MVB12B: variants seen among roughly 807,000 people sequenced by gnomAD.
MVB12B encodes multivesicular body subunit 12B, also known as ESCRT-I complex subunit MVB12B.
MVB12B carries 16 observed loss-of-function variants against 41.6 expected under a neutral mutation model. The observed-to-expected ratio is 0.38, with a 90% confidence interval of 0.26 to 0.58. MVB12B has a LOEUF of 0.58. Among genes scored for constraint, MVB12B ranks in the 20% least tolerant of loss-of-function variants. The pLI is 0.62. For synonymous variants in MVB12B, 133 were observed against 139.7 expected, an observed-to-expected ratio of 0.95 and a Z score of 0.34; for missense variants, 274 against 380.2, an observed-to-expected ratio of 0.72 and a Z score of 2.32.
intron 1 of MVB12B, among the ~76,000 whole-genome samples, chr9:126,338,290 C>T (rs1426629918): frequency 5.3e-5 from 8 of 152,238 alleles, no homozygotes; most frequent in Admixed American, 2.6e-4. Context: ...AGCCGGGGGC[C>T]GCCCGCAGCC....
Position 126,376,675 on chromosome 9 carries a change from T to C in MVB12B, c.205-4389T>C, listed in dbSNP as rs1188528403. ...GGGCCTGCCATTGCCATTCAGTGTG[T>C]ACGCTTGGTTACTCAATTACCCTCG... is the stretch of plus-strand genomic sequence containing the variant. On this transcript the variant is annotated intron_variant, in intron 2 of 9. Coordinates refer to ENST00000361171, the MANE Select transcript of MVB12B (RefSeq NM_033446.3). This position sits in a 1 kb window ranked among gnomAD's most constrained non-coding sequence, Gnocchi z 4.1. The C allele has an allele frequency of 2.3e-6, 3 of 1,280,846 alleles. No individual in the cohort carries two copies. In the African/African-American group the frequency reaches 4.6e-5, roughly 20 times the overall value. 79.3% of individuals were successfully genotyped at this position (1,280,846 alleles called of 1,614,324 possible). A position where few individuals can be genotyped will look rare whatever the true frequency, so the allele number is the denominator to read the frequency against.
chr9:126,446,106 A>G (rs938393098), intron 7 of MVB12B, among the ~76,000 whole-genome samples: 5 of 152,028 alleles, frequency 3.3e-5, no homozygotes, highest in African/African-American at 1.2e-4. Context: ...AGAGGGCTTG[A>G]TTGTATTAAA....
chr9:126,393,758 C>T (rs1831024884), intron 5 of MVB12B, among the ~76,000 whole-genome samples: 1 of 152,274 alleles, frequency 6.6e-6, no homozygotes, highest in Non-Finnish European at 1.5e-5. Context: ...ACAGCCCCCT[C>T]AGCCATGTGC....
rs1024805481 is a variant in MVB12B, at chr9:126,506,761, C to A, written c.*3498C>A. The A allele has an allele frequency of 7.2e-5, 11 of 152,262 alleles. No individual in the cohort carries two copies. Among genetic ancestry groups the A allele is most frequent in the African/African-American group, 2.4e-4 (10 of 41,458 alleles). The allele number at this position is 152,262 out of a possible 1,614,324, so 9.4% of individuals were successfully genotyped here. ...GGCGCTCACCCCTGAGCCCACAGCC[C>A]CTGCTTGGGCTGCCTGGCACCCTCA... On this transcript the variant is annotated 3_prime_UTR_variant, in exon 10 of 10. Coordinates refer to ENST00000361171, the MANE Select transcript of MVB12B (RefSeq NM_033446.3).
Position 126,489,359 on chromosome 9 carries a change from C to T in MVB12B, c.873+5327C>T, listed in dbSNP as rs949496116. Among the ~76,000 whole-genome samples, 9 of 152,202 alleles carry T rather than the reference C, an allele frequency of 5.9e-5. No individual in the cohort carries two copies. The South Asian group carries it at 6.2e-4, about 10-fold the overall frequency. ...TCCCAGCCCAGCGTGCCACACAGCG[C>T]GGCAGTCAGGGCACCTGGCAGCTGG... On this transcript the variant is annotated intron_variant, in intron 9 of 9. Transcript: ENST00000361171.
In MVB12B at chr9:126,424,969, G is replaced by A. The variant is rs1460948191; in HGVS notation, c.757+3021G>A. On this transcript the variant is annotated intron_variant, in intron 7 of 9. Coordinates refer to ENST00000361171, the MANE Select transcript of MVB12B (RefSeq NM_033446.3). The stretch of plus-strand genomic sequence containing the variant: ...TTAAATGCCCCAAACAAAGACGAAT[G>A]CTTAAATTACAAAACATCCATACAG... 2.6e-5 allele frequency among the ~76,000 whole-genome samples: 4 copies of A among 152,330 alleles called. No homozygotes were observed. The East Asian group carries it at 7.7e-4, about 29-fold the overall frequency.
intron 7 of MVB12B, among the ~76,000 whole-genome samples, chr9:126,427,387 CCTG>C (rs1336849034): frequency 1.3e-5 from 2 of 152,096 alleles, no homozygotes; most frequent in East Asian, 3.9e-4. Context: ...CCTGCCCAAA[CCTG>C]CTGCTCACAG....
At chr9:126,377,026 C>T (rs1259538835) in intron 2 of MVB12B, among the ~76,000 whole-genome samples, 2 of 152,052 alleles carry the variant, frequency 1.3e-5, no homozygotes, top group African/African-American at 4.8e-5. Context: ...TTGCTAAATC[C>T]CTTGCCCTCC....
At chr9:126,400,201 A>G (rs1831230804) in intron 6 of MVB12B, among the ~76,000 whole-genome samples, 1 of 152,234 alleles carries the variant, frequency 6.6e-6, no homozygotes, top group Non-Finnish European at 1.5e-5. Flanking sequence ...AGATGTCTTA[A>G]GGGTCAATGG....
In MVB12B at chr9:126,350,871, C is replaced by G. The variant is rs534666892; in HGVS notation, c.204+10241C>G. Among the ~76,000 whole-genome samples the G allele has an allele frequency of 7.5e-4, 114 of 152,274 alleles. No homozygotes were observed. The Middle Eastern group carries it at 0.014, about 18-fold the overall frequency. ...CCTTTCCAAAATGATTTTAGCTATTCCAGTTATTTGTCCATATAATCTTAA... is the reference window on the plus strand; with the variant it reads ...CCTTTCCAAAATGATTTTAGCTATTGCAGTTATTTGTCCATATAATCTTAA... On this transcript the variant is annotated intron_variant, in intron 2 of 9. Coordinates refer to ENST00000361171, the MANE Select transcript of MVB12B (RefSeq NM_033446.3).
At chr9:126,502,911 G>C (rs989366924) in intron 9 of MVB12B, among the ~76,000 whole-genome samples, 1 of 152,214 alleles carries the variant, frequency 6.6e-6, no homozygotes, top group Non-Finnish European at 1.5e-5. Context: ...GCCTCACAGG[G>C]AGCAGGCAGG....
At chr9:126,482,608 T>TA (rs1273994744) in intron 8 of MVB12B, among the ~76,000 whole-genome samples, 1 of 152,170 alleles carries the variant, frequency 6.6e-6, no homozygotes, top group Non-Finnish European at 1.5e-5. Flanking sequence ...GTGGGGTGGT[T>TA]AGAGCCTAAT....
At position 126,459,084 on chromosome 9, in the gene MVB12B, G is replaced by A. The variant is rs1192311539; in HGVS notation, c.758-22285G>A. Among the ~76,000 whole-genome samples, 1 of 152,158 alleles carries A rather than the reference G, an allele frequency of 6.6e-6. No homozygotes were observed. The highest frequency in any genetic ancestry group is 1.5e-5 in the Non-Finnish European group (1 of 68,028). ...TTCCTTTCATCCTGCAAGTTTTAAG[G>A]GCTCAGATCACAGCAGGTCTGGACC... On this transcript the variant is annotated intron_variant, in intron 7 of 9. Coordinates refer to ENST00000361171, the MANE Select transcript of MVB12B (RefSeq NM_033446.3). This position sits in a 1 kb window ranked among gnomAD's most constrained non-coding sequence, Gnocchi z 4.3.
At chr9:126,491,793 C>G (rs974854755) in intron 9 of MVB12B, among the ~76,000 whole-genome samples, 2 of 152,110 alleles carry the variant, frequency 1.3e-5, no homozygotes, top group African/African-American at 4.8e-5. Flanking sequence ...AAAGTAGATG[C>G]CTTGCAGAAA....
chr9:126,497,897 C>T, intron 9 of MVB12B, among the ~76,000 whole-genome samples: 1 of 152,232 alleles, frequency 6.6e-6, no homozygotes, highest in East Asian at 1.9e-4. Flanking sequence ...TGTCAAAACG[C>T]CCACACCCAC....
At chr9:126,328,722 G>A (rs1166902312) in intron 1 of MVB12B, among the ~76,000 whole-genome samples, 2 of 152,102 alleles carry the variant, frequency 1.3e-5, no homozygotes, top group Non-Finnish European at 2.9e-5. Flanking sequence ...GTTTGTTAAC[G>A]GATGAATGAG....
At chr9:126,355,681 TTTAA>T (rs1270121328) in intron 2 of MVB12B, among the ~76,000 whole-genome samples, 8 of 152,232 alleles carry the variant, frequency 5.3e-5, no homozygotes, top group Non-Finnish European at 8.8e-5. Context: ...CCGCATTCTC[TTTAA>T]TTAATCAATT....
chr9:126,397,372 C>G (rs1371857098), intron 6 of MVB12B: 1 of 985,298 alleles, frequency 1.0e-6, no homozygotes, highest in Non-Finnish European at 1.2e-6. Context: ...ACCGAGCCAC[C>G]GGCAGCCTGG....
chr9:126,343,491 T>A (rs1588088522), intron 2 of MVB12B, among the ~76,000 whole-genome samples: 3 of 152,234 alleles, frequency 2.0e-5, no homozygotes, highest in African/African-American at 7.2e-5. Context: ...ATGTAACCTT[T>A]GATTTACAAG....
Sources: allele counts gnomAD v4.1 joint callset (sites outside exome capture counted in the v4.1 genomes callset), GRCh38; gene constraint gnomAD v4.1.1; non-coding constraint Gnocchi (gnomAD v3.1); transcripts MANE v1.5; gene names NCBI Gene and HGNC (gene_info 2026-07-23, HGNC 2026-07-21).